Variants in TCF3 observed in about 807,000 individuals in gnomAD.
The protein encoded by TCF3 is transcription factor 3.
Under a neutral mutation model 72.3 loss-of-function variants are expected in TCF3, and 54 were observed. The observed-to-expected ratio is 0.75, with a 90% CI of 0.60 to 0.94. TCF3 has a LOEUF of 0.94. Ranked by LOEUF, TCF3 falls within the 40% of genes least tolerant of loss-of-function variation. The pLI is 0.00. For missense variants in TCF3, 1,078 were observed against 934.4 expected (o/e 1.15, Z -2.00); for synonymous variants, 525 against 412.6 (o/e 1.27, Z -3.30).
At chr19:1,642,026 C>G (rs2065314127) in intron 3 of TCF3, among the ~76,000 whole-genome samples, 1 of 151,514 alleles carries the variant, frequency 6.6e-6, no homozygotes, top group East Asian at 1.9e-4. Flanking sequence ...GTCTGGACAA[C>G]AGAGTGAGAC....
At chr19:1,646,930 C>T (rs1357896152) in intron 2 of TCF3, among the ~76,000 whole-genome samples, 1 of 152,226 alleles carries the variant, frequency 6.6e-6, no homozygotes, top group Non-Finnish European at 1.5e-5. Context: ...GCATGGCAGG[C>T]CCTGGAGCAG....
At chr19:1,620,305 C>T (rs1483870707) in intron 13 of TCF3, among the ~76,000 whole-genome samples, 2 of 152,094 alleles carry the variant, frequency 1.3e-5, no homozygotes, top group African/African-American at 4.8e-5. Flanking sequence ...TTTTTAAACA[C>T]CCAGACCTTC....
chr19:1,620,933 C>G, intron 13 of TCF3, 35 bp downstream of exon 13: 2 of 1,452,984 alleles, frequency 1.4e-6, no homozygotes, highest in Non-Finnish European at 1.8e-6. Flanking sequence ...CCCTCACAGA[C>G]CTCAGCCTCC....
chr19:1,649,558 C>G (rs139623489), intron 2 of TCF3, among the ~76,000 whole-genome samples: 56 of 152,272 alleles, frequency 3.7e-4, no homozygotes, highest in African/African-American at 1.3e-3. Flanking sequence ...CCACAGGCAT[C>G]TACCACCACT....
intron 1 of TCF3, chr19:1,651,134 G>A: frequency 4.3e-6 from 1 of 232,126 alleles, no homozygotes. Flanking sequence ...ATGGGGGATG[G>A]GGGATCCACC....
intron 3 of TCF3, among the ~76,000 whole-genome samples, chr19:1,644,212 A>C (rs953396364): frequency 1.3e-5 from 2 of 152,158 alleles, no homozygotes; most frequent in East Asian, 3.9e-4. Context: ...CTGACGATGG[A>C]AGAGAGCAGG....
rs193269525 is a variant in TCF3, at chr19:1,613,473, G to A, written c.1823-1624C>T. On this transcript the variant is annotated intron_variant, in intron 18 of 18. Transcript: ENST00000262965. ...CCCCAGGGCAGGGCTGGGGGCAGGG[G>A]AGGCCCAGTGCCTGCTCCTCTCTTT... Among the ~76,000 whole-genome samples, 7 of 152,264 alleles carry A rather than the reference G, an allele frequency of 4.6e-5. No homozygotes were observed. In the East Asian group the frequency reaches 1.4e-3, roughly 29 times the overall value.
intron 1 of TCF3, among the ~76,000 whole-genome samples, chr19:1,651,848 C>G (rs1490903621): frequency 2.0e-5 from 3 of 149,714 alleles, no homozygotes; most frequent in African/African-American, 7.4e-5. Context: ...GCGCGCGGCA[C>G]CTTCCCCGCG....
chr19:1,650,134 G>A (rs541866909), intron 2 of TCF3, 43 bp downstream of exon 2: 2 of 1,520,530 alleles, frequency 1.3e-6, no homozygotes, highest in South Asian at 1.2e-5. Context: ...GTGAACTGTG[G>A]AGGCAAAGGG....
intron 7 of TCF3, among the ~76,000 whole-genome samples, chr19:1,624,720 TTC>T (rs1198152220): frequency 1.3e-5 from 2 of 152,228 alleles, no homozygotes; most frequent in Admixed American, 1.3e-4. Flanking sequence ...GTGGGAAAAG[TTC>T]GAGTGGCCCA....
rs1228245000 is a variant in TCF3, at chr19:1,610,709, TGGGA to T, written c.*994_*997del. The T allele has an allele frequency of 8.7e-6, 2 of 230,446 alleles. No individual in the cohort carries two copies. The highest frequency in any genetic ancestry group is 2.2e-5 in the African/African-American group (1 of 45,038). The allele number at this position is 230,446 out of a possible 1,614,324, so 14.3% of individuals were successfully genotyped here. On this transcript the variant is annotated 3_prime_UTR_variant, in exon 19 of 19. Transcript: ENST00000262965. ...GCCACAGCTGCTTGGCAGAGTCACCTGGGAGGGTCAGAGCCACCTTGCTGACGTC... is the reference window on the plus strand; with the variant it reads ...GCCACAGCTGCTTGGCAGAGTCACCTGGGTCAGAGCCACCTTGCTGACGTC...
At chr19:1,630,959 C>T (rs941379284) in intron 5 of TCF3, among the ~76,000 whole-genome samples, 1 of 152,252 alleles carries the variant, frequency 6.6e-6, no homozygotes, top group African/African-American at 2.4e-5. Context: ...GCCCCAGGTG[C>T]CTGGAGGAGG....
intron 1 of TCF3, chr19:1,651,501 T>C (rs1392504916): frequency 4.5e-6 from 1 of 223,296 alleles, no homozygotes; most frequent in Non-Finnish European, 8.9e-6. Context: ...CTGAAACCGA[T>C]TTTAAGACAG....
chr19:1,625,832 C>A, intron 6 of TCF3, 124 bp from the exon 7 acceptor site: 1 of 1,222,714 alleles, frequency 8.2e-7, no homozygotes, highest in Non-Finnish European at 1.1e-6. Flanking sequence ...GATGCCCCTT[C>A]TGCCTGTCAC....
chr19:1,646,921 C>T (rs1229219101), intron 2 of TCF3, among the ~76,000 whole-genome samples: 1 of 152,250 alleles, frequency 6.6e-6, no homozygotes, highest in Non-Finnish European at 1.5e-5. Flanking sequence ...ACTGGCCCCG[C>T]ATGGCAGGCC....
rs1001709441 is a variant in TCF3, at chr19:1,610,510, A to C, written c.*1197T>G. 8.7e-6 allele frequency: 2 copies of C among 230,706 alleles called. No homozygotes were observed. The highest frequency in any genetic ancestry group is 5.7e-5 in the Admixed American group (1 of 17,686). The allele number at this position is 230,706 out of a possible 1,614,324, so 14.3% of individuals were successfully genotyped here. ...GCATGAGCCTGGGTCCCTGGGGCAA[A>C]GGAGTGAAGGACAGGGTGTCCAGGA... On this transcript the variant is annotated 3_prime_UTR_variant, in exon 19 of 19. Coordinates refer to ENST00000262965, the MANE Select transcript of TCF3 (RefSeq NM_003200.5).
rs1261676852 is a variant in TCF3 at position 1,650,162 on chromosome 19, G to T, written c.72+15C>A. On this transcript the variant is annotated intron_variant, in intron 2 of 18. Transcript: ENST00000262965. ...GCAAAGGGGTGTCGGGGGCTGGGCG[G>T]GGGTCCTGGCTCACCATGCTGAAGT... The T allele has an allele frequency of 2.6e-6, 4 of 1,561,134 alleles. No individual in the cohort carries two copies. The highest frequency in any genetic ancestry group is 2.3e-5 in the East Asian group (1 of 42,978).
intron 3 of TCF3, among the ~76,000 whole-genome samples, chr19:1,643,778 G>A (rs745817321): frequency 6.6e-6 from 1 of 152,248 alleles, no homozygotes; most frequent in East Asian, 1.9e-4. Context: ...TTAATTTTCA[G>A]GGACACCTTT....
chr19:1,642,129 TACACACACAC>T lies in TCF3; in HGVS notation c.145+4216_145+4225del, dbSNP rs10531649. Among the ~76,000 whole-genome samples the T allele has an allele frequency of 1.3e-3, 189 of 147,356 alleles. 1 individual carries two copies. The highest frequency in any genetic ancestry group is 6.9e-3 in the Middle Eastern group (2 of 290). On this transcript the variant is annotated intron_variant, in intron 3 of 18. Coordinates refer to ENST00000262965, the MANE Select transcript of TCF3 (RefSeq NM_003200.5). ...TGCATGTCTCAAAACTGCACAGAACTACACACACACACACACACACACACACACACACACA... is the reference window on the plus strand; with the variant it reads ...TGCATGTCTCAAAACTGCACAGAACTACACACACACACACACACACACACA...
Sources: gnomAD v4.1 joint callset for allele counts (sites outside exome capture counted in the v4.1 genomes callset) on GRCh38, gnomAD v4.1.1 for gene constraint, MANE v1.5 for transcripts, NCBI Gene and HGNC (gene_info 2026-07-23, HGNC 2026-07-21) for gene names.